CARD6: variants seen among roughly 807,000 people sequenced by gnomAD.
The protein encoded by CARD6 is caspase recruitment domain-containing protein 6.
In CARD6, 27 loss-of-function variants were observed where a neutral mutation model predicts 23.6. The ratio of observed to expected loss-of-function variants is 1.14; its 90% CI spans 0.84 to 1.58. The LOEUF (loss-of-function observed/expected upper bound fraction) is 1.58, where lower values mean the gene tolerates loss of function less well. Ranked by LOEUF, CARD6 falls within the 40% of genes most tolerant of loss-of-function variation. The pLI is 0.00. For missense variants in CARD6, 1,214 were observed against 1,209.9 expected, an observed-to-expected ratio of 1.00 and a Z score of -0.05; for synonymous variants, 397 against 431.8, an observed-to-expected ratio of 0.92 and a Z score of 1.00.
rs1746146416 is a variant in CARD6, at chr5:40,854,239, C to T, written c.2907C>T (p.Ser969=). 6.2e-7 allele frequency: 1 copy of T among 1,614,174 alleles called. No individual in the cohort carries two copies. The highest frequency in any genetic ancestry group is 1.7e-5 in the Admixed American group (1 of 60,020). The change falls in exon 3 of 3, where the codon TCC becomes TCT. Residue 969 remains serine, a synonymous_variant. Transcript: ENST00000254691. Reference sequence around the variant, plus strand: ...ATTCTGTGCCCTCTCAACCTAAATCCTCTCAGACAAAATCCTGTCAGTCCC... The same window carrying T: ...ATTCTGTGCCCTCTCAACCTAAATCTTCTCAGACAAAATCCTGTCAGTCCC... ...PFHSVPSQPK[S]SQTKSCQSQP...
intron 1 of CARD6, among the ~76,000 whole-genome samples, chr5:40,842,694 T>A (rs558620121): frequency 6.6e-6 from 1 of 152,124 alleles, no homozygotes; most frequent in Non-Finnish European, 1.5e-5. Flanking sequence ...AAAGTTGACA[T>A]GTTGACATGC....
Position 40,846,170 on chromosome 5 carries a change from G to A in CARD6, c.841+2461G>A, listed in dbSNP as rs556152516. ...TGGGATTACAGGTGCCCACTACCAC[G>A]CCTGGCTAATTTTTGTATTTTTAGT... is the stretch of plus-strand genomic sequence containing the variant. On this transcript the variant is annotated intron_variant, in intron 2 of 2. Coordinates refer to ENST00000254691, the MANE Select transcript of CARD6 (RefSeq NM_032587.4). Among the ~76,000 whole-genome samples the A allele has an allele frequency of 4.0e-5, 6 of 151,724 alleles. No individual in the cohort carries two copies. In the East Asian group the frequency reaches 5.8e-4, roughly 15 times the overall value.
At chr5:40,841,959 G>A (rs1198621111) in intron 1 of CARD6, among the ~76,000 whole-genome samples, 1 of 152,166 alleles carries the variant, frequency 6.6e-6, no homozygotes, top group Non-Finnish European at 1.5e-5. Flanking sequence ...AAATCTCACA[G>A]TTGGAAGGAA....
chr5:40,849,541 T>A (rs927866167), intron 2 of CARD6, among the ~76,000 whole-genome samples: 12 of 149,736 alleles, frequency 8.0e-5, no homozygotes, highest in African/African-American at 2.9e-4. Flanking sequence ...TCCTAAAATC[T>A]ATGCTTTTCT....
intron 2 of CARD6, among the ~76,000 whole-genome samples, chr5:40,844,487 A>G (rs1352294731): frequency 6.6e-6 from 1 of 152,106 alleles, no homozygotes; most frequent in Non-Finnish European, 1.5e-5. Flanking sequence ...CACCTTGGCC[A>G]CCCAAAATCC....
chr5:40,853,653 C>T lies in CARD6; in HGVS notation c.2321C>T (p.Ala774Val). 6.2e-7 allele frequency: 1 copy of T among 1,614,226 alleles called. No homozygotes were observed. Among genetic ancestry groups the T allele is most frequent in the African/African-American group, 1.3e-5 (1 of 75,058 alleles). ...TTCCATCCTTTGCCTTTTCAGAATG[C>T]AGGGGCCCAGGGCCGAGGTAAAAGT... ...KWFHPLPFQN[A>V]GAQGRGKSFG... Residue 774 changes from alanine (A) to valine (V), a missense_variant, in exon 3 of 3, where the codon GCA becomes GTA. Coordinates refer to ENST00000254691, the MANE Select transcript of CARD6 (RefSeq NM_032587.4).
At position 40,853,392 on chromosome 5, in the gene CARD6, A is replaced by G. The variant is rs371313174; in HGVS notation, c.2060A>G (p.His687Arg). The change falls in exon 3 of 3, where the codon CAC becomes CGC. Residue 687 changes from histidine to arginine, a missense_variant. Coordinates refer to ENST00000254691, the MANE Select transcript of CARD6 (RefSeq NM_032587.4). Reference sequence around the variant, plus strand: ...GCTGAAGGTGAGGGTCAGCAAAGACACAGTCAGCTAAAAAGCTCATCTAAA... The same window carrying G: ...GCTGAAGGTGAGGGTCAGCAAAGACGCAGTCAGCTAAAAAGCTCATCTAAA... Reference protein sequence around the residue: ...GTAEGEGQQRHSQLKSSSKSQ... With the variant: ...GTAEGEGQQRRSQLKSSSKSQ... 6.2e-7 allele frequency: 1 copy of G among 1,614,070 alleles called. No individual in the cohort carries two copies. Among genetic ancestry groups the G allele is most frequent in the Admixed American group, 1.7e-5 (1 of 60,006 alleles).
intron 2 of CARD6, among the ~76,000 whole-genome samples, chr5:40,851,260 G>A (rs763074084): frequency 8.6e-5 from 13 of 151,946 alleles, no homozygotes; most frequent in Non-Finnish European, 1.8e-4. Flanking sequence ...GAACCCAGGA[G>A]GTGGATGTTG....
Position 40,854,587 on chromosome 5 carries a change from G to T in CARD6, c.*141G>T, listed in dbSNP as rs1746157427. On this transcript the variant is annotated 3_prime_UTR_variant, in exon 3 of 3. Coordinates refer to ENST00000254691, the MANE Select transcript of CARD6 (RefSeq NM_032587.4). ...AAGAAAGATATACATGACTGAATTG[G>T]ATATCTTTGTTTGTTTGTTTGAGAC... 1.7e-5 allele frequency: 12 copies of T among 705,042 alleles called. No individual in the cohort carries two copies. The highest frequency in any genetic ancestry group is 1.1e-4 in the Admixed American group (4 of 35,014). 43.7% of individuals were successfully genotyped at this position (705,042 alleles called of 1,614,324 possible).
At chr5:40,844,300 C>T (rs1745930097) in intron 2 of CARD6, among the ~76,000 whole-genome samples, 1 of 152,192 alleles carries the variant, frequency 6.6e-6, no homozygotes, top group Non-Finnish European at 1.5e-5. Context: ...GTGGCACAAT[C>T]ATGACTCACC....
In CARD6 at chr5:40,853,427, C is replaced by A; in HGVS notation, c.2095C>A (p.Leu699Ile). The change falls in exon 3 of 3, where the codon CTA becomes ATA. Residue 699 changes from leucine to isoleucine, a missense_variant. Leu to Ile is a conservative substitution (Grantham distance 5). Transcript: ENST00000254691. ...AAAAAGCTCATCTAAAAGCCAGGCT[C>A]TAATGCCAATTCAAGAGCCTGGGAC... is the stretch of plus-strand genomic sequence containing the variant. ...QLKSSSKSQA[L>I]MPIQEPGTQC... is the part of the protein sequence containing the mutation. The A allele has an allele frequency of 6.2e-7, 1 of 1,614,180 alleles. No homozygotes were observed. Among genetic ancestry groups the A allele is most frequent in the Non-Finnish European group, 8.5e-7 (1 of 1,180,032 alleles).
chr5:40,850,864 A>C (rs1746053930), intron 2 of CARD6, among the ~76,000 whole-genome samples: 1 of 151,982 alleles, frequency 6.6e-6, no homozygotes, highest in Non-Finnish European at 1.5e-5. Flanking sequence ...CTAAATGATC[A>C]TCCATAGGCA....
Position 40,853,058 on chromosome 5 carries a change from A to G in CARD6, c.1726A>G (p.Ile576Val), listed in dbSNP as rs323562. The change falls in exon 3 of 3, where the codon ATT becomes GTT. Residue 576 changes from isoleucine to valine, a missense_variant. Physicochemically the swap from Ile to Val is conservative, Grantham distance 29. Transcript: ENST00000254691. ...DLLMFLGEAAIERCYFVLSSQ... is the reference protein window; with the variant it reads ...DLLMFLGEAAVERCYFVLSSQ... ...GCTAATGTTTTTAGGAGAGGCTGCC[A>G]TTGAAAGATGCTACTTTGTTCTCAG... 1,390 of 1,614,104 alleles carry G rather than the reference A, an allele frequency of 8.6e-4. 20 individuals are homozygous for G. In the East Asian group the frequency reaches 0.026, roughly 30 times the overall value.
rs1176341706 is a variant in CARD6, at chr5:40,854,409, A to AG, written c.3077_3078insG (p.His1026GlnfsTer16). 6.2e-7 allele frequency: 1 copy of AG among 1,613,808 alleles called. No homozygotes were observed. The highest frequency in any genetic ancestry group is 2.2e-5 in the East Asian group (1 of 44,882). On this transcript the variant is annotated frameshift_variant, in exon 3 of 3. Coordinates refer to ENST00000254691, the MANE Select transcript of CARD6 (RefSeq NM_032587.4). LOFTEE classifies it high-confidence loss of function. Reference sequence around the variant, plus strand: ...AATCCTTCACAAGCTAAGGCACACCACTCAAAAGCAGGGCAGAAGAGGGGA... The same window carrying AG: ...AATCCTTCACAAGCTAAGGCACACCAGCTCAAAAGCAGGGCAGAAGAGGGGA...
intron 2 of CARD6, among the ~76,000 whole-genome samples, chr5:40,849,993 AG>A (rs1746029102): frequency 1.3e-5 from 2 of 151,860 alleles, no homozygotes; most frequent in Admixed American, 1.3e-4. Flanking sequence ...AAAAAAAAGT[AG>A]GTAGAAGATA....
rs563281399 is a variant in CARD6, at chr5:40,841,391, C to T, written c.9C>T (p.Thr3=). The T allele has an allele frequency of 1.2e-5, 19 of 1,591,926 alleles. No individual in the cohort carries two copies. The highest frequency in any genetic ancestry group is 1.7e-4 in the Middle Eastern group (1 of 5,910). Residue 3 remains threonine, a synonymous_variant, in exon 1 of 3, where the codon ACC becomes ACT. Transcript: ENST00000254691. MA[T]ESTPSEIIER... ...TAGAGGAAACAGGAACAATGGCTAC[C>T]GAGAGTACTCCCTCAGAGATCATAG...
intron 2 of CARD6, among the ~76,000 whole-genome samples, chr5:40,851,208 T>C (rs773371843): frequency 6.6e-6 from 1 of 151,824 alleles, no homozygotes; most frequent in African/African-American, 2.4e-5. Context: ...CACATGCCTG[T>C]AATCCCAGCT....
intron 2 of CARD6, among the ~76,000 whole-genome samples, chr5:40,850,721 CAAAAAA>C (rs34372703): frequency 2.1e-5 from 1 of 46,524 alleles, no homozygotes; most frequent in Admixed American, 3.2e-4. Flanking sequence ...ACTCCGTCTC[CAAAAAA>C]AAAAAAAAAA....
Position 40,854,425 on chromosome 5 carries a change from G to A in CARD6, c.3093G>A (p.Gln1031=). The change falls in exon 3 of 3, where the codon CAG becomes CAA. Residue 1031 remains glutamine, a synonymous_variant. Transcript: ENST00000254691. ...QAKAHHSKAG[Q]KRGGKH ...AGGCACACCACTCAAAAGCAGGGCA[G>A]AAGAGGGGAGGGAAGCATTAAAGAG... is the stretch of plus-strand genomic sequence containing the variant. 1 of 1,613,798 alleles carries A rather than the reference G, an allele frequency of 6.2e-7. No individual in the cohort carries two copies. The highest frequency in any genetic ancestry group is 1.1e-5 in the South Asian group (1 of 91,076).
Sources: gnomAD v4.1 joint callset for allele counts (sites outside exome capture counted in the v4.1 genomes callset) on GRCh38, gnomAD v4.1.1 for gene constraint, MANE v1.5 for transcripts, NCBI Gene and HGNC (gene_info 2026-07-23, HGNC 2026-07-21) for gene names.